PROS1: variants seen among roughly 807,000 people sequenced by gnomAD.
PROS1 encodes vitamin K-dependent protein S.
A neutral mutation model predicts 75.9 loss-of-function variants in PROS1; 29 were observed. The observed-to-expected ratio is 0.38, with a 90% CI of 0.28 to 0.52. PROS1 has a LOEUF of 0.52. Among genes scored for constraint, PROS1 ranks in the 20% least tolerant of loss-of-function variants. The pLI, the probability that PROS1 is intolerant of heterozygous loss-of-function variation, is 0.83. For missense variants in PROS1, 680 were observed against 810.3 expected (o/e 0.84, Z 1.95); for synonymous variants, 245 against 280.6 (o/e 0.87, Z 1.27).
intron 12 of PROS1, among the ~76,000 whole-genome samples, chr3:93,882,498 C>G (rs1708286617): frequency 6.6e-6 from 1 of 152,066 alleles, no homozygotes; most frequent in Non-Finnish European, 1.5e-5. Context: ...GAGCTGAGGT[C>G]GCAGAGCAAC....
intron 1 of PROS1, among the ~76,000 whole-genome samples, chr3:93,961,230 AT>A: frequency 1.3e-5 from 2 of 152,190 alleles, no homozygotes; most frequent in East Asian, 1.9e-4. Context: ...AGAATGGTCC[AT>A]TTTGAGAGGA....
intron 1 of PROS1, among the ~76,000 whole-genome samples, chr3:93,959,894 T>A (rs1383113024): frequency 6.6e-6 from 1 of 152,228 alleles, no homozygotes; most frequent in Non-Finnish European, 1.5e-5. Flanking sequence ...CAACTCAGTG[T>A]AATAATACTA....
Position 93,969,122 on chromosome 3 carries a change from CTTTTTT to C in PROS1, c.76+4546_76+4551del, listed in dbSNP as rs773990991. 4.1e-3 allele frequency among the ~76,000 whole-genome samples: 465 copies of C among 114,348 alleles called. 1 individual carries two copies. The highest frequency in any genetic ancestry group is 0.014 in the African/African-American group (446 of 31,008). The allele number at this position is 114,348 out of a possible 152,430, so 75.0% of individuals were successfully genotyped here. A position where few individuals can be genotyped will look rare whatever the true frequency, so the allele number is the denominator to read the frequency against. ...TTTTTTTTGTTTTTGCTTTTGTTTT[CTTTTTT>C]TTTTTTTTTTTTTGCATATAAGATG... On this transcript the variant is annotated intron_variant, in intron 1 of 14. Transcript: ENST00000394236.
intron 6 of PROS1, among the ~76,000 whole-genome samples, chr3:93,901,858 A>C (rs1181109122): frequency 6.6e-6 from 1 of 152,226 alleles, no homozygotes; most frequent in Admixed American, 6.5e-5. Context: ...TAAAGGGTAT[A>C]TAGCATCTCT....
At chr3:93,944,629 C>T (rs1217440958) in intron 1 of PROS1, among the ~76,000 whole-genome samples, 1 of 152,154 alleles carries the variant, frequency 6.6e-6, no homozygotes, top group Non-Finnish European at 1.5e-5. Context: ...CACAACATAC[C>T]AGAATCTCTG....
chr3:93,944,369 C>G (rs1216795929), intron 1 of PROS1, among the ~76,000 whole-genome samples: 1 of 152,102 alleles, frequency 6.6e-6, no homozygotes, highest in Non-Finnish European at 1.5e-5. Flanking sequence ...AATATACATT[C>G]TTCTCAGCAC....
At chr3:93,913,702 T>C (rs1329390759) in intron 3 of PROS1, among the ~76,000 whole-genome samples, 2 of 152,206 alleles carry the variant, frequency 1.3e-5, no homozygotes, top group Non-Finnish European at 2.9e-5. Context: ...CTTGGGTATG[T>C]CTTTATAATA....
intron 2 of PROS1, 52 bp from the exon 3 acceptor site, chr3:93,924,316 G>A: frequency 9.3e-7 from 1 of 1,079,592 alleles, no homozygotes; most frequent in Non-Finnish European, 1.3e-6. Flanking sequence ...TTTCATTATA[G>A]AGTTAAAACT....
intron 6 of PROS1, among the ~76,000 whole-genome samples, chr3:93,903,902 C>T (rs1041363875): frequency 2.6e-5 from 4 of 151,678 alleles, no homozygotes; most frequent in African/African-American, 7.3e-5. Flanking sequence ...GCCATGCTGG[C>T]ACGCTGCACC....
chr3:93,928,011 A>ATATTTTTT (rs1235149837), intron 1 of PROS1, among the ~76,000 whole-genome samples: 1 of 44,468 alleles, frequency 2.2e-5, no homozygotes, highest in African/African-American at 9.2e-5. Context: ...ATATATATAT[A>ATATTTTTT]TTTTTTTTTT....
intron 1 of PROS1, chr3:93,973,472 G>T: frequency 3.3e-6 from 2 of 609,706 alleles, no homozygotes; most frequent in Non-Finnish European, 6.0e-6. Context: ...ATACATTCTC[G>T]CAACTGTGCA....
intron 1 of PROS1, among the ~76,000 whole-genome samples, chr3:93,957,047 A>G (rs781354058): frequency 5.3e-5 from 8 of 152,152 alleles, no homozygotes; most frequent in Admixed American, 2.6e-4. Flanking sequence ...GAATATGTTC[A>G]TTACAATATA....
intron 1 of PROS1, among the ~76,000 whole-genome samples, chr3:93,931,554 AT>A (rs574459595): frequency 7.2e-4 from 110 of 152,344 alleles, no homozygotes; most frequent in African/African-American, 2.5e-3. Context: ...AAATAAAAAA[AT>A]AATGCTTGTG....
intron 8 of PROS1, among the ~76,000 whole-genome samples, chr3:93,896,922 T>A (rs965982857): frequency 2.6e-5 from 4 of 152,204 alleles, no homozygotes; most frequent in East Asian, 3.8e-4. Context: ...CCTCGTTCAA[T>A]GTGCATGGCT....
At chr3:93,918,687 G>A (rs946334584) in intron 3 of PROS1, among the ~76,000 whole-genome samples, 5 of 152,008 alleles carry the variant, frequency 3.3e-5, no homozygotes, top group Admixed American at 1.3e-4. Context: ...TACAGGCCTC[G>A]CCACCACTCC....
intron 10 of PROS1, 58 bp downstream of exon 10, chr3:93,892,875 A>C: frequency 6.5e-7 from 1 of 1,542,372 alleles, no homozygotes; most frequent in Non-Finnish European, 9.0e-7. Flanking sequence ...AAAATAAATT[A>C]TGATTTTATA....
intron 1 of PROS1, among the ~76,000 whole-genome samples, chr3:93,956,534 A>C (rs62266148): frequency 2.2e-4 from 11 of 49,484 alleles, no homozygotes; most frequent in Non-Finnish European, 2.7e-4. Context: ...CTCTCTCTCT[A>C]CACACACACA....
chr3:93,938,342 C>T (rs1453744585), intron 1 of PROS1, among the ~76,000 whole-genome samples: 1 of 152,126 alleles, frequency 6.6e-6, no homozygotes, highest in African/African-American at 2.4e-5. Context: ...CCTTTGCTGA[C>T]TCTCTTTTTG....
intron 12 of PROS1, among the ~76,000 whole-genome samples, chr3:93,880,103 C>A (rs1166163194): frequency 1.3e-5 from 2 of 152,138 alleles, no homozygotes; most frequent in Non-Finnish European, 2.9e-5. Flanking sequence ...ACACGGAGCC[C>A]TTGAAAGGGT....
Sources: allele counts gnomAD v4.1 joint callset (sites outside exome capture counted in the v4.1 genomes callset), GRCh38; gene constraint gnomAD v4.1.1; transcripts MANE v1.5; gene names NCBI Gene and HGNC (gene_info 2026-07-23, HGNC 2026-07-21).